CHODL: variants seen among roughly 807,000 people sequenced by gnomAD.
The protein encoded by CHODL is chondrolectin, also known as transmembrane protein MT75.
CHODL carries 29 observed loss-of-function variants against 34.5 expected under a neutral mutation model. The observed-to-expected ratio is 0.84, with a 90% confidence interval of 0.63 to 1.15. The LOEUF is 1.15. Among genes scored for constraint, CHODL ranks in the 50% most tolerant of loss-of-function variants. The pLI is 0.00. For missense variants in CHODL, 332 were observed against 332.5 expected (o/e 1.00, Z 0.01); for synonymous variants, 125 against 116.1 (o/e 1.08, Z -0.49).
intron 1 of CHODL, chr21:18,022,565 G>A (rs190596127): frequency 2.0e-4 from 31 of 152,178 alleles, no homozygotes; most frequent in African/African-American, 4.8e-4. Context: ...TGGGTATCTC[G>A]AAATTAATCA....
chr21:18,120,066 A>G (rs910852985), intron 2 of CHODL, among the ~76,000 whole-genome samples: 2 of 152,190 alleles, frequency 1.3e-5, no homozygotes, highest in Non-Finnish European at 2.9e-5. Flanking sequence ...GGCGAAAAAT[A>G]TTCCCCAGTA....
chr21:17,994,597 G>A (rs189280340), intron 1 of CHODL, among the ~76,000 whole-genome samples: 1 of 152,286 alleles, frequency 6.6e-6, no homozygotes, highest in East Asian at 1.9e-4. Flanking sequence ...TAATTTCCAG[G>A]CCCGTGGAGG....
intron 2 of CHODL, among the ~76,000 whole-genome samples, chr21:18,217,615 C>T (rs1389782882): frequency 6.6e-6 from 1 of 152,120 alleles, no homozygotes; most frequent in Non-Finnish European, 1.5e-5. Context: ...CCTGGCCCCT[C>T]TCAAATATCA....
chr21:18,254,722 A>G (rs762407431), intron 1 of CHODL, among the ~76,000 whole-genome samples: 2 of 116,506 alleles, frequency 1.7e-5, no homozygotes, highest in Non-Finnish European at 1.9e-5. Context: ...TCGTCTGTCT[A>G]TCTATCTATC....
At chr21:18,246,658 A>G (rs922725244) in intron 1 of CHODL, among the ~76,000 whole-genome samples, 10 of 152,190 alleles carry the variant, frequency 6.6e-5, no homozygotes, top group African/African-American at 2.4e-4. Context: ...AGAATTATTC[A>G]TGCAACTGAA....
At chr21:18,265,010 C>T (rs2074435186) in intron 5 of CHODL, among the ~76,000 whole-genome samples, 8 of 151,790 alleles carry the variant, frequency 5.3e-5, no homozygotes, top group African/African-American at 1.7e-4. Flanking sequence ...TGACAGGGGA[C>T]TCAAGGAGCA....
chr21:18,224,483 A>G (rs1403410114), intron 2 of CHODL, among the ~76,000 whole-genome samples: 1 of 152,214 alleles, frequency 6.6e-6, no homozygotes, highest in Non-Finnish European at 1.5e-5. Context: ...AGTGTGGTTA[A>G]GTTCCCTCAT....
At chr21:17,977,870 G>C (rs909383709) in intron 1 of CHODL, among the ~76,000 whole-genome samples, 18 of 119,516 alleles carry the variant, frequency 1.5e-4, no homozygotes, top group Non-Finnish European at 4.8e-5. Flanking sequence ...AGTGAGCCGA[G>C]ATCGCGCCAC....
chr21:18,151,683 G>A (rs2072971232), intron 2 of CHODL, among the ~76,000 whole-genome samples: 1 of 152,188 alleles, frequency 6.6e-6, no homozygotes. Flanking sequence ...CCCTCAGTCT[G>A]TGGGATTTGA....
intron 2 of CHODL, among the ~76,000 whole-genome samples, chr21:18,186,943 A>G (rs35471151): frequency 0.024 from 3,598 of 152,278 alleles, 122 homozygotes; most frequent in African/African-American, 0.07. Flanking sequence ...AAAACATTCA[A>G]TGCTCTAGGG....
intron 1 of CHODL, among the ~76,000 whole-genome samples, chr21:17,952,092 C>G (rs1245138028): frequency 6.8e-6 from 1 of 146,824 alleles, no homozygotes; most frequent in South Asian, 2.1e-4. Context: ...GTGGTGCACA[C>G]CTGTGGTCCC....
chr21:18,093,703 G>A (rs1454966099), intron 2 of CHODL, among the ~76,000 whole-genome samples: 1 of 152,036 alleles, frequency 6.6e-6, no homozygotes, highest in African/African-American at 2.4e-5. Flanking sequence ...TGGAAGTCTT[G>A]TAGTAACATC....
Position 18,245,054 on chromosome 21 carries a change from C to A in CHODL, c.-170C>A. On this transcript the variant is annotated 5_prime_UTR_variant, in exon 1 of 6. Coordinates refer to ENST00000299295, the MANE Select transcript of CHODL (RefSeq NM_024944.3). ...CGCGCGGCACAGGCGCGGCAGGCGG[C>A]AGGTCCCGGCCGAAGGCGATGCGCG... The A allele has an allele frequency of 1.9e-6, 1 of 526,972 alleles. No homozygotes were observed. The highest frequency in any genetic ancestry group is 3.2e-6 in the Non-Finnish European group (1 of 316,488). 32.6% of individuals were successfully genotyped at this position (526,972 alleles called of 1,614,324 possible).
chr21:17,993,792 C>A (rs1293850344), intron 1 of CHODL, among the ~76,000 whole-genome samples: 4 of 152,202 alleles, frequency 2.6e-5, no homozygotes, highest in Non-Finnish European at 5.9e-5. Context: ...ATAATCTCCA[C>A]ACTGTTTTCA....
At position 18,084,556 on chromosome 21, in the gene CHODL, C is replaced by G. The variant is rs79375045; in HGVS notation, c.-45+56585C>G. On this transcript the variant is annotated intron_variant, in intron 2 of 6. Transcript: ENST00000400127. ...CATTCAGGAAAATAATGCTTAATTT[C>G]TATGTATTTGTATAGTTTGTGAAGG... Among the ~76,000 whole-genome samples the G allele has an allele frequency of 2.9e-3, 439 of 152,068 alleles. 1 individual carries two copies. The highest frequency in any genetic ancestry group is 9.9e-3 in the African/African-American group (411 of 41,498).
At chr21:18,130,480 G>C (rs1017499293) in intron 2 of CHODL, among the ~76,000 whole-genome samples, 10 of 151,936 alleles carry the variant, frequency 6.6e-5, no homozygotes, top group African/African-American at 2.4e-4. Context: ...GTATAGAGTG[G>C]GTCTGTGTCA....
chr21:17,995,382 C>T (rs2063839413), intron 1 of CHODL, among the ~76,000 whole-genome samples: 1 of 152,200 alleles, frequency 6.6e-6, no homozygotes, highest in Non-Finnish European at 1.5e-5. Context: ...TTTTTGCTTA[C>T]ATTTTCCCCA....
intron 2 of CHODL, among the ~76,000 whole-genome samples, chr21:18,194,270 T>A (rs1326349636): frequency 6.6e-6 from 1 of 152,160 alleles, no homozygotes; most frequent in Non-Finnish European, 1.5e-5. Flanking sequence ...TTTCCAATCG[T>A]GTTTAAAATA....
At chr21:18,204,069 T>G (rs2073685591) in intron 2 of CHODL, among the ~76,000 whole-genome samples, 1 of 152,136 alleles carries the variant, frequency 6.6e-6, no homozygotes. Flanking sequence ...TTATAACATT[T>G]GGTATCTTGG....
Sources: allele counts gnomAD v4.1 joint callset (sites outside exome capture counted in the v4.1 genomes callset), GRCh38; gene constraint gnomAD v4.1.1; transcripts MANE v1.5; gene names NCBI Gene and HGNC (gene_info 2026-07-23, HGNC 2026-07-21).